Variants in GRM5 observed in about 807,000 individuals in gnomAD.
GRM5 encodes the protein glutamate metabotropic receptor 5, also known as metabotropic glutamate receptor 5.
Under a neutral mutation model 83.1 loss-of-function variants are expected in GRM5, and 19 were observed. That is an observed-to-expected ratio of 0.23 (90% CI 0.16 to 0.34). GRM5 has a LOEUF of 0.34. GRM5 is among the 10% of genes least tolerant of loss of function. The pLI, the probability that GRM5 is intolerant of heterozygous loss-of-function variation, is 1.00. For synonymous variants in GRM5, 675 were observed against 633.6 expected (o/e 1.07, Z -0.98); for missense variants, 1,160 against 1,588.3 (o/e 0.73, Z 4.58).
intron 3 of GRM5, among the ~76,000 whole-genome samples, chr11:88,715,736 T>C (rs943060171): frequency 6.6e-6 from 1 of 151,988 alleles, no homozygotes; most frequent in Non-Finnish European, 1.5e-5. Context: ...GGGTATGCAG[T>C]ATTAGAAAAG....
At chr11:88,687,639 G>A (rs996745387) in intron 3 of GRM5, among the ~76,000 whole-genome samples, 4 of 119,584 alleles carry the variant, frequency 3.3e-5, no homozygotes, top group South Asian at 2.7e-4. Flanking sequence ...TGAATTATAC[G>A]TGCTCTGCAT....
intron 2 of GRM5, among the ~76,000 whole-genome samples, chr11:88,995,253 A>T (rs1263234460): frequency 6.6e-6 from 1 of 152,132 alleles, no homozygotes; most frequent in Non-Finnish European, 1.5e-5. Context: ...TATGAGTTAA[A>T]ATAAGGCCAG....
chr11:88,970,122 G>A (rs553324444), intron 2 of GRM5, among the ~76,000 whole-genome samples: 4 of 152,068 alleles, frequency 2.6e-5, no homozygotes, highest in Non-Finnish European at 1.5e-5. Context: ...TATTCAACAG[G>A]TATAATATTA....
At chr11:88,590,097 A>T (rs1046190530) in intron 7 of GRM5, among the ~76,000 whole-genome samples, 61 of 152,216 alleles carry the variant, frequency 4.0e-4, no homozygotes, top group African/African-American at 1.4e-3. Flanking sequence ...AGTAAAATCA[A>T]GTCTTTCCCT....
At chr11:88,867,097 T>G (rs1189212491) in intron 2 of GRM5, among the ~76,000 whole-genome samples, 2 of 152,160 alleles carry the variant, frequency 1.3e-5, no homozygotes, top group East Asian at 3.9e-4. Flanking sequence ...CACGCTGTTT[T>G]GGTTACTGTA....
intron 3 of GRM5, among the ~76,000 whole-genome samples, chr11:88,762,870 C>T (rs964180088): frequency 6.6e-5 from 10 of 151,810 alleles, no homozygotes; most frequent in East Asian, 1.9e-4. Flanking sequence ...GTCTTTTGCA[C>T]GAACATGTAA....
Position 88,601,011 on chromosome 11 carries a change from C to T in GRM5, c.1395-3659G>A, listed in dbSNP as rs182201004. Among the ~76,000 whole-genome samples, 38 of 152,138 alleles carry T rather than the reference C, an allele frequency of 2.5e-4. 2 individuals carry two copies. In the East Asian group the frequency reaches 7.3e-3, roughly 29 times the overall value. On this transcript the variant is annotated intron_variant, in intron 5 of 9. Transcript: ENST00000305447. Reference sequence around the variant, plus strand: ...AGTTAGACCAAAAATGTGAATGGCACCTAATAATGCAACACTTTTATACTA... The same window carrying T: ...AGTTAGACCAAAAATGTGAATGGCATCTAATAATGCAACACTTTTATACTA...
At chr11:88,742,574 C>T (rs142506105) in intron 3 of GRM5, among the ~76,000 whole-genome samples, 1 of 152,218 alleles carries the variant, frequency 6.6e-6, no homozygotes, top group African/African-American at 2.4e-5. Context: ...CATATCCTCT[C>T]TTGGTGACTC....
intron 2 of GRM5, among the ~76,000 whole-genome samples, chr11:88,981,119 G>A (rs945296934): frequency 1.3e-5 from 2 of 152,084 alleles, no homozygotes; most frequent in African/African-American, 4.8e-5. Flanking sequence ...GGTACTCTGT[G>A]ATCTCTGCCT....
At chr11:88,986,560 C>T (rs1939717621) in intron 2 of GRM5, among the ~76,000 whole-genome samples, 1 of 152,006 alleles carries the variant, frequency 6.6e-6, no homozygotes, top group Non-Finnish European at 1.5e-5. Flanking sequence ...TTGTTTTTTG[C>T]TACTAAGTTG....
intron 1 of GRM5, among the ~76,000 whole-genome samples, chr11:89,049,599 G>C (rs1355212174): frequency 1.3e-5 from 2 of 152,180 alleles, no homozygotes; most frequent in African/African-American, 4.8e-5. Context: ...CTTGAATCAT[G>C]TTTCTAATCA....
intron 7 of GRM5, among the ~76,000 whole-genome samples, chr11:88,587,435 T>C (rs941202824): frequency 7.9e-5 from 12 of 151,972 alleles, no homozygotes; most frequent in African/African-American, 2.9e-4. Flanking sequence ...TGGAAAGCAG[T>C]GGTGATTGAA....
Position 88,704,142 on chromosome 11 carries a change from T to G in GRM5, c.912-50739A>C, listed in dbSNP as rs147619040. 2.1e-3 allele frequency among the ~76,000 whole-genome samples: 323 copies of G among 152,078 alleles called. 2 individuals carry two copies. The highest frequency in any genetic ancestry group is 7.5e-3 in the African/African-American group (310 of 41,428). Reference sequence around the variant, plus strand: ...TTCTCTTTCTATAAGGGCATTAATCTCATTATAAGGTCCCACTTTCACTAC... The same window carrying G: ...TTCTCTTTCTATAAGGGCATTAATCGCATTATAAGGTCCCACTTTCACTAC... On this transcript the variant is annotated intron_variant, in intron 3 of 9. Coordinates refer to ENST00000305447, the MANE Select transcript of GRM5 (RefSeq NM_001143831.3).
chr11:88,761,145 T>G (rs1427999073), intron 3 of GRM5, among the ~76,000 whole-genome samples: 1 of 151,996 alleles, frequency 6.6e-6, no homozygotes, highest in East Asian at 1.9e-4. Context: ...CAGCACAAGA[T>G]GAGGATGCCC....
intron 3 of GRM5, among the ~76,000 whole-genome samples, chr11:88,845,743 T>A (rs1565258813): frequency 6.8e-6 from 1 of 147,170 alleles, no homozygotes; most frequent in Non-Finnish European, 1.5e-5. Flanking sequence ...CCACTTTTTA[T>A]ATGAATTGGG....
intron 2 of GRM5, among the ~76,000 whole-genome samples, chr11:89,035,599 T>C (rs1274854237): frequency 6.6e-6 from 1 of 152,004 alleles, no homozygotes; most frequent in Non-Finnish European, 1.5e-5. Context: ...ATTTTTATTC[T>C]ATCTACTTTT....
At chr11:88,760,925 T>C (rs1262204788) in intron 3 of GRM5, among the ~76,000 whole-genome samples, 1 of 152,104 alleles carries the variant, frequency 6.6e-6, no homozygotes, top group East Asian at 1.9e-4. Context: ...ATAAACATGA[T>C]GAGCCACATA....
At chr11:88,855,118 TATA>T (rs527687658) in intron 2 of GRM5, among the ~76,000 whole-genome samples, 7 of 152,020 alleles carry the variant, frequency 4.6e-5, no homozygotes, top group South Asian at 2.1e-4. Flanking sequence ...ACCAAACTAT[TATA>T]ATAATAGTAA....
chr11:88,865,555 C>A (rs1269043734), intron 2 of GRM5, among the ~76,000 whole-genome samples: 1 of 150,934 alleles, frequency 6.6e-6, no homozygotes, highest in East Asian at 2.0e-4. Flanking sequence ...ACAAAATTGA[C>A]AAATGGGATC....
Sources: gnomAD v4.1 joint callset for allele counts (sites outside exome capture counted in the v4.1 genomes callset) on GRCh38, gnomAD v4.1.1 for gene constraint, MANE v1.5 for transcripts, NCBI Gene and HGNC (gene_info 2026-07-23, HGNC 2026-07-21) for gene names.